Variants in FAT1 observed in about 807,000 individuals in gnomAD.
FAT1 encodes protocadherin Fat 1.
FAT1 carries 171 observed loss-of-function variants against 329.8 expected under a neutral mutation model. The ratio of observed to expected loss-of-function variants is 0.52; its 90% CI spans 0.46 to 0.59. The LOEUF (loss-of-function observed/expected upper bound fraction) is 0.59. Ranked by LOEUF, FAT1 falls within the 20% of genes least tolerant of loss-of-function variation. The probability of loss-of-function intolerance (pLI) is 0.00; values close to 1 mark genes in which losing one functional copy is unlikely to be tolerated. For synonymous variants in FAT1, 2,233 were observed against 2,228.6 expected (o/e 1.00, Z -0.06); for missense variants, 5,672 against 5,774.4 (o/e 0.98, Z 0.57).
chr4:186,718,397 G>A lies in FAT1; in HGVS notation c.-19+5267C>T, dbSNP rs559747416. Among the ~76,000 whole-genome samples, 235 of 152,198 alleles carry A rather than the reference G, an allele frequency of 1.5e-3. 1 individual carries two copies. Among genetic ancestry groups the A allele is most frequent in the African/African-American group, 5.4e-3 (223 of 41,540 alleles). ...TTAAAAAATAAGCTTGGCCAGACAC[G>A]GTGGCTCATGCCTGTAATCCCAGTA... On this transcript the variant is annotated intron_variant, in intron 1 of 26. Coordinates refer to ENST00000441802, the MANE Select transcript of FAT1 (RefSeq NM_005245.4).
At chr4:186,604,231 G>C (rs1378892725) in intron 18 of FAT1, 146 bp downstream of exon 18, 1 of 705,302 alleles carries the variant, frequency 1.4e-6, no homozygotes, top group Non-Finnish European at 2.3e-6. Flanking sequence ...GATAAAAATG[G>C]AAGGTATGGC....
At chr4:186,636,321 T>C (rs1740814738) in intron 5 of FAT1, 86 bp from the exon 6 acceptor site, 1 of 1,240,938 alleles carries the variant, frequency 8.1e-7, no homozygotes, top group Admixed American at 1.9e-5. Context: ...GGTTTGGTCT[T>C]AAACTGAGCC....
intron 3 of FAT1, among the ~76,000 whole-genome samples, chr4:186,655,124 G>T (rs1741844642): frequency 6.6e-6 from 1 of 152,282 alleles, no homozygotes; most frequent in East Asian, 1.9e-4. Flanking sequence ...AATACAGGTA[G>T]CAGCTGTCAA....
intron 1 of FAT1, among the ~76,000 whole-genome samples, chr4:186,721,473 T>C (rs79956888): frequency 0.022 from 3,367 of 152,360 alleles, 132 homozygotes; most frequent in African/African-American, 0.075. Flanking sequence ...AACTTCTACA[T>C]AATTTGGTCA....
At chr4:186,669,125 G>A (rs535788969) in intron 2 of FAT1, among the ~76,000 whole-genome samples, 3 of 152,124 alleles carry the variant, frequency 2.0e-5, no homozygotes, top group South Asian at 2.1e-4. Context: ...TCCTGTCTTC[G>A]GCATCTCCTC....
chr4:186,618,985 T>G lies in FAT1; in HGVS notation c.7601A>C (p.Asp2534Ala). Residue 2534 changes from aspartate to alanine, a missense_variant, in exon 10 of 27, where the codon GAC (aspartate) becomes GCC (alanine). This residue lies in a region of FAT1 where 3,966 missense variants were observed against 3,915.2 expected (regional missense o/e 1.01). Transcript: ENST00000441802. ...TATGTAAAATCTGTCTTTGGCAAAG[T>G]CATTTACAATATGGTAAGTAACGTG... ...YGHVTYHIVN[D>A]FAKDRFYINE... 6.2e-7 allele frequency: 1 copy of G among 1,614,030 alleles called. No individual in the cohort carries two copies. The highest frequency in any genetic ancestry group is 8.5e-7 in the Non-Finnish European group (1 of 1,179,904).
chr4:186,635,877 C>A, intron 6 of FAT1, 148 bp downstream of exon 6: 1 of 681,598 alleles, frequency 1.5e-6, no homozygotes. Context: ...ATTTTGCAAT[C>A]AAAATATTAT....
chr4:186,724,283 C>T (rs1745630504), upstream of FAT1, among the ~76,000 whole-genome samples: 1 of 150,962 alleles, frequency 6.6e-6, no homozygotes, highest in Non-Finnish European at 1.5e-5. This position sits in a 1 kb window ranked among gnomAD's most constrained non-coding sequence, Gnocchi z 5.3. Flanking sequence ...CCTGAATCTG[C>T]ATTTGAATGG....
At position 186,589,235 on chromosome 4, in the gene FAT1, A is replaced by G; in HGVS notation, c.13139-15T>C. The G allele has an allele frequency of 6.3e-7, 1 of 1,585,874 alleles. No homozygotes were observed. Reference sequence around the variant, plus strand: ...CCAGTGATACCCTTGGTGGAAAAGAAAACAGATGTCAGTGTGTTTTCTCCT... The same window carrying G: ...CCAGTGATACCCTTGGTGGAAAAGAGAACAGATGTCAGTGTGTTTTCTCCT... On this transcript the variant is annotated splice_polypyrimidine_tract_variant and intron_variant, in intron 26 of 26. Transcript: ENST00000441802.
chr4:186,632,424 C>T (rs542193467), intron 7 of FAT1, among the ~76,000 whole-genome samples: 1 of 152,118 alleles, frequency 6.6e-6, no homozygotes, highest in Non-Finnish European at 1.5e-5. Context: ...AGATTTATTA[C>T]AATTTATGAT....
chr4:186,680,444 C>T (rs767129889), intron 2 of FAT1, among the ~76,000 whole-genome samples: 2 of 152,132 alleles, frequency 1.3e-5, no homozygotes, highest in Non-Finnish European at 2.9e-5. Context: ...TTACACACGA[C>T]CGTTTCTGTA....
intron 3 of FAT1, among the ~76,000 whole-genome samples, chr4:186,654,311 G>A (rs917265919): frequency 3.9e-5 from 6 of 152,212 alleles, no homozygotes; most frequent in African/African-American, 1.4e-4. Flanking sequence ...ACTTGTCAAT[G>A]TTCCTCTGAC....
At chr4:186,716,625 C>A (rs1301603543) in intron 1 of FAT1, among the ~76,000 whole-genome samples, 2 of 152,126 alleles carry the variant, frequency 1.3e-5, no homozygotes, top group Non-Finnish European at 2.9e-5. Context: ...ACCATGTTGC[C>A]CAGGCTGGTC....
At chr4:186,627,026 GAATGAAT>G (rs1415372003) in intron 9 of FAT1, among the ~76,000 whole-genome samples, 1 of 128,380 alleles carries the variant, frequency 7.8e-6, no homozygotes. Context: ...ATGAATGAAT[GAATGAAT>G]GAGGGACCAA....
At chr4:186,627,377 A>C (rs190303843) in intron 9 of FAT1, among the ~76,000 whole-genome samples, 3 of 152,370 alleles carry the variant, frequency 2.0e-5, no homozygotes, top group African/African-American at 7.2e-5. Flanking sequence ...CCACAGAATG[A>C]ATGAATGAAT....
At chr4:186,603,093 C>T in intron 19 of FAT1, 59 bp from the exon 20 acceptor site, 2 of 1,611,414 alleles carry the variant, frequency 1.2e-6, no homozygotes, top group South Asian at 2.2e-5. Flanking sequence ...AAGAACATCA[C>T]CTTTCATGTA....
chr4:186,610,726 A>AATATAAATTTATATAATTTATATG (rs1560932026), intron 14 of FAT1, among the ~76,000 whole-genome samples: 2 of 116,642 alleles, frequency 1.7e-5, no homozygotes, highest in East Asian at 4.6e-4. Flanking sequence ...TAATTTATAT[A>AATATAAATTTATATAATTTATATG]AATATAAATT....
chr4:186,718,846 T>C (rs1358812865), intron 1 of FAT1, among the ~76,000 whole-genome samples: 1 of 152,088 alleles, frequency 6.6e-6, no homozygotes, highest in Non-Finnish European at 1.5e-5. Flanking sequence ...ACAGAGATCC[T>C]GCAGGTCCAC....
rs751764372 is a variant in FAT1, at chr4:186,636,740, G to C, written c.3817C>G (p.His1273Asp). The change falls in exon 5 of 27, where the codon CAC becomes GAC. Residue 1273 changes from histidine (H) to aspartate (D), a missense_variant. By Grantham distance (81) the His-to-Asp change is moderately conservative. Coordinates refer to ENST00000441802, the MANE Select transcript of FAT1 (RefSeq NM_005245.4). ...TCATCCTTGTCGGTGGCTATGACGT[G>C]ATAGAGCGGCTCCCGTCTGGCATTT... Reference protein sequence around the residue: ...ERNARREPLYHVIATDKDEGP... With the variant: ...ERNARREPLYDVIATDKDEGP... The C allele has an allele frequency of 1.2e-6, 2 of 1,613,746 alleles. No homozygotes were observed. Among genetic ancestry groups the C allele is most frequent in the Non-Finnish European group, 8.5e-7 (1 of 1,179,870 alleles).
Sources: allele counts gnomAD v4.1 joint callset (sites outside exome capture counted in the v4.1 genomes callset), GRCh38; gene constraint gnomAD v4.1.1; regional missense constraint gnomAD v4.1.1; non-coding constraint Gnocchi (gnomAD v3.1); transcripts MANE v1.5; gene names NCBI Gene and HGNC (gene_info 2026-07-23, HGNC 2026-07-21).